SUGCT: variants seen among roughly 807,000 people sequenced by gnomAD.
The protein encoded by SUGCT is succinyl-CoA:glutarate-CoA transferase.
A neutral mutation model predicts 55.0 loss-of-function variants in SUGCT; 41 were observed. The observed-to-expected ratio is 0.74, with a 90% CI of 0.58 to 0.97. The LOEUF (loss-of-function observed/expected upper bound fraction) is 0.97. SUGCT is among the 50% of genes least tolerant of loss of function. The pLI, the probability that SUGCT is intolerant of heterozygous loss-of-function variation, is 0.00. For missense variants in SUGCT, 568 were observed against 547.8 expected (o/e 1.04, Z -0.37); for synonymous variants, 187 against 200.4 (o/e 0.93, Z 0.56).
chr7:40,300,277 A>G (rs1312013342), intron 8 of SUGCT, among the ~76,000 whole-genome samples: 1 of 152,188 alleles, frequency 6.6e-6, no homozygotes, highest in Non-Finnish European at 1.5e-5. Context: ...ACTTTGCTGT[A>G]CAAGGGAGTG....
chr7:40,320,939 T>G (rs1310547734), intron 9 of SUGCT, among the ~76,000 whole-genome samples: 1 of 152,112 alleles, frequency 6.6e-6, no homozygotes, highest in Non-Finnish European at 1.5e-5. Flanking sequence ...TCACTCCCCT[T>G]CCACCTCCCA....
chr7:40,382,883 A>G (rs956840756), intron 9 of SUGCT, among the ~76,000 whole-genome samples: 8 of 152,222 alleles, frequency 5.3e-5, no homozygotes, highest in Non-Finnish European at 1.2e-4. Context: ...ATAATATTAC[A>G]TAGAGAACTA....
chr7:40,783,903 C>T (rs1789884905), intron 13 of SUGCT, among the ~76,000 whole-genome samples: 1 of 152,160 alleles, frequency 6.6e-6, no homozygotes, highest in African/African-American at 2.4e-5. Context: ...TTTAAACTCA[C>T]TCATAAAACT....
intron 13 of SUGCT, among the ~76,000 whole-genome samples, chr7:40,760,280 T>G (rs1788466163): frequency 6.6e-6 from 1 of 151,994 alleles, no homozygotes; most frequent in East Asian, 1.9e-4. Context: ...TATAATAGAG[T>G]TAAGATGATT....
chr7:40,552,410 A>C (rs1012552877), intron 12 of SUGCT, among the ~76,000 whole-genome samples: 3 of 151,774 alleles, frequency 2.0e-5, no homozygotes, highest in African/African-American at 7.3e-5. Flanking sequence ...CTGGGGCTGC[A>C]CTCTCTGAGC....
chr7:40,854,476 C>CTTTCTTTT (rs1359640248), intron 13 of SUGCT, among the ~76,000 whole-genome samples: 1 of 96,650 alleles, frequency 1.0e-5, no homozygotes, highest in Non-Finnish European at 2.3e-5. Context: ...TTCTTTCTTT[C>CTTTCTTTT]TCTTTCTCTC....
intron 13 of SUGCT, among the ~76,000 whole-genome samples, chr7:40,858,433 A>G (rs1434189078): frequency 6.6e-6 from 1 of 151,216 alleles, no homozygotes; most frequent in Admixed American, 6.6e-5. Flanking sequence ...AAAAAAAGAA[A>G]AGAAATGGTA....
chr7:40,753,903 A>T (rs906312740), intron 13 of SUGCT, among the ~76,000 whole-genome samples: 6 of 152,218 alleles, frequency 3.9e-5, no homozygotes, highest in African/African-American at 1.4e-4. Context: ...TGTAATCATT[A>T]CCATTATTAA....
At chr7:40,421,382 A>C (rs1037701002) in intron 9 of SUGCT, among the ~76,000 whole-genome samples, 2 of 152,074 alleles carry the variant, frequency 1.3e-5, no homozygotes, top group East Asian at 3.9e-4. Flanking sequence ...TAGCATTTGC[A>C]CTGAGAGGAC....
chr7:40,195,222 C>CTTTTTTTTTTTTTTTTTT (rs11326653), intron 6 of SUGCT, among the ~76,000 whole-genome samples, 162 bp downstream of exon 6: 1 of 101,290 alleles, frequency 9.9e-6, no homozygotes, highest in Non-Finnish European at 1.9e-5. Flanking sequence ...TTTCTTTTTT[C>CTTTTTTTTTTTTTTTTTT]TTTTTTTTTT....
At chr7:40,542,397 T>C (rs1461155086) in intron 12 of SUGCT, among the ~76,000 whole-genome samples, 1 of 152,110 alleles carries the variant, frequency 6.6e-6, no homozygotes, top group African/African-American at 2.4e-5. Context: ...TACCTCACAC[T>C]TTTGAAAAAC....
the SUGCT span, among the ~76,000 whole-genome samples, chr7:41,029,548 C>A: frequency 2.0e-5 from 3 of 152,176 alleles, no homozygotes; most frequent in Non-Finnish European, 4.4e-5. Flanking sequence ...CCCTTGCCTT[C>A]CTTCTAGGAA....
At chr7:40,274,772 A>C in intron 8 of SUGCT, 116 bp downstream of exon 8, 1 of 911,514 alleles carries the variant, frequency 1.1e-6, no homozygotes, top group Non-Finnish European at 1.7e-6. Context: ...CAACACAACA[A>C]CACTGAAAAC....
At chr7:40,359,181 ATGTATGTATATTTTTGAGACAGAGT>A (rs1026698396) in intron 9 of SUGCT, among the ~76,000 whole-genome samples, 10 of 151,966 alleles carry the variant, frequency 6.6e-5, no homozygotes, top group Admixed American at 6.6e-5. Flanking sequence ...GTATGTATGT[ATGTATGTATATTTTTGAGACAGAGT>A]TGTATGTATA....
At chr7:40,772,546 C>G (rs1562994114) in intron 13 of SUGCT, among the ~76,000 whole-genome samples, 27 of 148,244 alleles carry the variant, frequency 1.8e-4, no homozygotes, top group Non-Finnish European at 2.9e-4. Context: ...ATCTATCTAT[C>G]TATCTATCTA....
chr7:40,770,720 G>A (rs1239957028), intron 13 of SUGCT, among the ~76,000 whole-genome samples: 1 of 152,098 alleles, frequency 6.6e-6, no homozygotes, highest in African/African-American at 2.4e-5. Flanking sequence ...GATATTAATG[G>A]ACAACAAACC....
intron 13 of SUGCT, among the ~76,000 whole-genome samples, chr7:40,831,451 GC>G (rs1422936413): frequency 2.0e-5 from 3 of 152,198 alleles, no homozygotes; most frequent in Non-Finnish European, 2.9e-5. Flanking sequence ...TGGAAGACAG[GC>G]AGTGCCCAAC....
At chr7:40,877,005 C>T in the SUGCT span, among the ~76,000 whole-genome samples, 476 of 152,182 alleles carry the variant, frequency 3.1e-3, 2 homozygotes, top group Non-Finnish European at 5.0e-3. Context: ...AATATACACA[C>T]GCATTTTTCT....
At chr7:40,231,875 G>A (rs1262199792) in intron 6 of SUGCT, among the ~76,000 whole-genome samples, 1 of 152,178 alleles carries the variant, frequency 6.6e-6, no homozygotes, top group Admixed American at 6.5e-5. Context: ...TGAGGTGGGA[G>A]GATTGCTTGA....
Sources: gnomAD v4.1 joint callset for allele counts (sites outside exome capture counted in the v4.1 genomes callset) on GRCh38, gnomAD v4.1.1 for gene constraint, MANE v1.5 for transcripts, NCBI Gene and HGNC (gene_info 2026-07-23, HGNC 2026-07-21) for gene names.